The following SNTG1 variants were observed in gnomAD, a reference collection of about 807,000 sequenced individuals.
The protein encoded by SNTG1 is syntrophin gamma 1.
In SNTG1, 39 loss-of-function variants were observed where a neutral mutation model predicts 74.7. The observed-to-expected ratio is 0.52, with a 90% confidence interval of 0.40 to 0.68. The LOEUF (loss-of-function observed/expected upper bound fraction) is 0.68. Ranked by LOEUF, SNTG1 falls within the 30% of genes least tolerant of loss-of-function variation. The probability of loss-of-function intolerance (pLI) is 0.00; values close to 1 mark genes in which losing one functional copy is unlikely to be tolerated. For missense variants in SNTG1, 685 were observed against 609.5 expected (o/e 1.12, Z -1.30); for synonymous variants, 254 against 217.1 (o/e 1.17, Z -1.49).
intron 1 of SNTG1, among the ~76,000 whole-genome samples, chr8:50,081,976 A>G (rs958921105): frequency 1.3e-5 from 2 of 152,168 alleles, no homozygotes; most frequent in African/African-American, 4.8e-5. Context: ...ATTAGACTGG[A>G]AAATTAATTT....
rs78431949 is a variant in SNTG1, at chr8:50,514,748, G to A, written c.466+11868G>A. Among the ~76,000 whole-genome samples the A allele has an allele frequency of 3.0e-3, 450 of 152,252 alleles. 14 individuals carry two copies. In the East Asian group the frequency reaches 0.078, roughly 26 times the overall value. On this transcript the variant is annotated intron_variant, in intron 9 of 18. Coordinates refer to ENST00000642720, the MANE Select transcript of SNTG1 (RefSeq NM_018967.5). ...TGTATATGTGTTAAGCCAAATTAGTGCTTAGTGTCACACATGTCCTCCATT... is the reference window on the plus strand; with the variant it reads ...TGTATATGTGTTAAGCCAAATTAGTACTTAGTGTCACACATGTCCTCCATT...
At chr8:50,470,654 G>A (rs539710177) in intron 8 of SNTG1, among the ~76,000 whole-genome samples, 83 of 152,032 alleles carry the variant, frequency 5.5e-4, no homozygotes, top group Middle Eastern at 3.4e-3. Flanking sequence ...TGGTGCGTCC[G>A]GAGTTGTTCA....
intron 1 of SNTG1, among the ~76,000 whole-genome samples, chr8:50,152,988 C>G (rs1000555528): frequency 1.3e-5 from 2 of 152,188 alleles, no homozygotes; most frequent in Non-Finnish European, 2.9e-5. Context: ...TGGATAATAT[C>G]ATGAGGAGTG....
chr8:50,269,883 A>C (rs1052544337), intron 2 of SNTG1, among the ~76,000 whole-genome samples: 4 of 152,184 alleles, frequency 2.6e-5, no homozygotes, highest in African/African-American at 9.6e-5. Context: ...TAGGAGGAAG[A>C]TAGCAATGCT....
intron 1 of SNTG1, among the ~76,000 whole-genome samples, chr8:49,982,948 G>T (rs1321255238): frequency 6.6e-6 from 1 of 152,136 alleles, no homozygotes; most frequent in African/African-American, 2.4e-5. Flanking sequence ...TTTTTAAAAA[G>T]CATTAAACAT....
At chr8:50,415,803 G>A (rs1165091888) in intron 4 of SNTG1, among the ~76,000 whole-genome samples, 1 of 152,010 alleles carries the variant, frequency 6.6e-6, no homozygotes, top group African/African-American at 2.4e-5. Context: ...GTGGAATGTG[G>A]GTAACCAAAG....
intron 1 of SNTG1, among the ~76,000 whole-genome samples, chr8:49,978,094 C>G (rs370636098): frequency 1.4e-4 from 21 of 152,304 alleles, no homozygotes; most frequent in South Asian, 6.2e-4. Context: ...ACCTAATGGA[C>G]GTTGGGATGT....
intron 1 of SNTG1, among the ~76,000 whole-genome samples, chr8:50,112,629 T>C (rs752622369): frequency 4.2e-5 from 6 of 142,766 alleles, no homozygotes; most frequent in African/African-American, 7.8e-5. Context: ...TTCAAGAGAG[T>C]CTTCTGCCTC....
chr8:50,578,511 G>T (rs1265679410), intron 12 of SNTG1, among the ~76,000 whole-genome samples: 8 of 152,180 alleles, frequency 5.3e-5, no homozygotes, highest in Non-Finnish European at 2.9e-5. Flanking sequence ...CTGAGCTTTG[G>T]TGGGTGATAT....
At chr8:50,344,872 G>A (rs1470615182) in intron 2 of SNTG1, among the ~76,000 whole-genome samples, 1 of 152,192 alleles carries the variant, frequency 6.6e-6, no homozygotes, top group Non-Finnish European at 1.5e-5. Flanking sequence ...CTTTCAAGGT[G>A]TGATTAAGAT....
At chr8:49,991,335 G>A (rs76473751) in intron 1 of SNTG1, among the ~76,000 whole-genome samples, 1,925 of 152,274 alleles carry the variant, frequency 0.013, 45 homozygotes, top group African/African-American at 0.044. Context: ...CCCGATGCAA[G>A]GCTGGTGGGA....
chr8:50,105,278 G>A (rs1054282236), intron 1 of SNTG1, among the ~76,000 whole-genome samples: 1 of 152,000 alleles, frequency 6.6e-6, no homozygotes, highest in African/African-American at 2.4e-5. Flanking sequence ...ATCATTTATT[G>A]AATAGGAAGT....
intron 1 of SNTG1, among the ~76,000 whole-genome samples, chr8:50,061,801 A>C (rs772834654): frequency 7.2e-5 from 11 of 151,998 alleles, no homozygotes; most frequent in Non-Finnish European, 1.5e-4. Flanking sequence ...CTTGTTATTG[A>C]TATCTAGCTT....
chr8:50,332,363 T>C (rs1391607036), intron 2 of SNTG1, among the ~76,000 whole-genome samples: 2 of 152,150 alleles, frequency 1.3e-5, no homozygotes. Context: ...TCCTCTACAG[T>C]GTGCCCTCGT....
At chr8:50,488,590 A>G (rs1407386680) in intron 8 of SNTG1, among the ~76,000 whole-genome samples, 2 of 151,990 alleles carry the variant, frequency 1.3e-5, no homozygotes, top group Non-Finnish European at 2.9e-5. Context: ...CTGGGCTTGC[A>G]TATTGTTTAC....
intron 18 of SNTG1, among the ~76,000 whole-genome samples, chr8:50,754,099 C>G (rs2131709106): frequency 6.6e-6 from 1 of 152,022 alleles, no homozygotes; most frequent in South Asian, 2.1e-4. Flanking sequence ...ACCTCTATAA[C>G]CATGACTTGT....
chr8:50,176,517 C>T (rs1418680522), intron 2 of SNTG1, among the ~76,000 whole-genome samples: 1 of 152,120 alleles, frequency 6.6e-6, no homozygotes, highest in African/African-American at 2.4e-5. Flanking sequence ...ACTGCAAAAG[C>T]TTCATGTAGG....
In SNTG1 at chr8:50,782,117, TC is replaced by T. The variant is rs1260267834; in HGVS notation, c.1396-10553del. 3.3e-5 allele frequency among the ~76,000 whole-genome samples: 5 copies of T among 152,200 alleles called. No homozygotes were observed. The East Asian group carries it at 9.6e-4, about 29-fold the overall frequency. The stretch of plus-strand genomic sequence containing the variant: ...TTCCCTTTGTGGCTAACCCGACCTT[TC>T]TCTCTGGCTGCCCATAACATTTTTT... On this transcript the variant is annotated intron_variant, in intron 18 of 18. Transcript: ENST00000642720.
intron 15 of SNTG1, among the ~76,000 whole-genome samples, chr8:50,664,645 C>T (rs530247651): frequency 9.2e-5 from 14 of 152,268 alleles, no homozygotes; most frequent in Admixed American, 8.5e-4. Context: ...CCAGAGGATA[C>T]CCAAGGCCTT....
Sources: allele counts gnomAD v4.1 joint callset (sites outside exome capture counted in the v4.1 genomes callset), GRCh38; gene constraint gnomAD v4.1.1; transcripts MANE v1.5; gene names NCBI Gene and HGNC (gene_info 2026-07-23, HGNC 2026-07-21).